RALGAPA2: variants seen among roughly 807,000 people sequenced by gnomAD.
RALGAPA2 encodes Ral GTPase activating protein catalytic subunit alpha 2, also known as ral GTPase-activating protein subunit alpha-2.
In RALGAPA2, 139 loss-of-function variants were observed where a neutral mutation model predicts 230.4. The observed-to-expected ratio is 0.60, with a 90% confidence interval of 0.53 to 0.69. The LOEUF is 0.69. RALGAPA2 is among the 30% of genes least tolerant of loss of function. RALGAPA2 has a pLI of 0.00. For missense variants in RALGAPA2, 2,163 were observed against 2,276.0 expected (o/e 0.95, Z 1.01); for synonymous variants, 847 against 837.8 (o/e 1.01, Z -0.19).
At chr20:20,613,431 C>T (rs1159461937) in intron 13 of RALGAPA2, among the ~76,000 whole-genome samples, 1 of 152,236 alleles carries the variant, frequency 6.6e-6, no homozygotes. Flanking sequence ...TCCCTGGCTA[C>T]AGCCCTGGTC....
intron 37 of RALGAPA2, among the ~76,000 whole-genome samples, chr20:20,414,280 C>T (rs985599846): frequency 6.6e-6 from 1 of 152,222 alleles, no homozygotes; most frequent in African/African-American, 2.4e-5. Flanking sequence ...TTAGAGCAAG[C>T]ACGTCCCTCT....
At chr20:20,589,616 C>T (rs1337381476) in intron 17 of RALGAPA2, among the ~76,000 whole-genome samples, 1 of 151,838 alleles carries the variant, frequency 6.6e-6, no homozygotes, top group East Asian at 1.9e-4. Flanking sequence ...GTTCACTTAG[C>T]GCATTTATGT....
At chr20:20,512,240 TACACACACAC>T (rs370439645) in intron 32 of RALGAPA2, among the ~76,000 whole-genome samples, 1 of 138,352 alleles carries the variant, frequency 7.2e-6, no homozygotes, top group Non-Finnish European at 1.6e-5. Flanking sequence ...CACACACACA[TACACACACAC>T]ACACACACAC....
At chr20:20,621,754 G>C (rs2066331979) in intron 10 of RALGAPA2, among the ~76,000 whole-genome samples, 1 of 152,192 alleles carries the variant, frequency 6.6e-6, no homozygotes, top group Non-Finnish European at 1.5e-5. Context: ...AAATGCATTT[G>C]CTTTTCGCTT....
intron 3 of RALGAPA2, among the ~76,000 whole-genome samples, chr20:20,663,400 T>G (rs2067847989): frequency 1.3e-5 from 2 of 152,168 alleles, no homozygotes; most frequent in Admixed American, 1.3e-4. Context: ...GTGCACAAAT[T>G]TCTTTTTCCT....
At chr20:20,495,395 C>T (rs1290546486) in intron 35 of RALGAPA2, 120 bp from the exon 36 acceptor site, 1 of 770,430 alleles carries the variant, frequency 1.3e-6, no homozygotes, top group Non-Finnish European at 1.9e-6. Context: ...CCAAAAAAGG[C>T]TACAACATTG....
chr20:20,462,457 C>T (rs1431508558), intron 37 of RALGAPA2, among the ~76,000 whole-genome samples: 2 of 152,122 alleles, frequency 1.3e-5, no homozygotes, highest in Non-Finnish European at 2.9e-5. Flanking sequence ...GCACAGAACC[C>T]TGCAGTATCC....
At chr20:20,701,169 G>A (rs2069342084) in intron 1 of RALGAPA2, among the ~76,000 whole-genome samples, 1 of 152,206 alleles carries the variant, frequency 6.6e-6, no homozygotes, top group Non-Finnish European at 1.5e-5. Context: ...CTCATTGGAT[G>A]TGTAACCTTG....
chr20:20,479,420 T>A (rs1412519641), intron 36 of RALGAPA2, among the ~76,000 whole-genome samples: 1 of 152,174 alleles, frequency 6.6e-6, no homozygotes, highest in East Asian at 1.9e-4. Context: ...AATTCCATAA[T>A]GTGCAAAAAT....
chr20:20,486,504 A>G (rs536634694), intron 36 of RALGAPA2, among the ~76,000 whole-genome samples: 28 of 152,290 alleles, frequency 1.8e-4, no homozygotes, highest in African/African-American at 6.5e-4. Context: ...GTGCCAGCAT[A>G]GGAGCCCTCT....
intron 37 of RALGAPA2, among the ~76,000 whole-genome samples, chr20:20,438,443 C>A (rs1194304562): frequency 1.3e-5 from 2 of 152,192 alleles, no homozygotes; most frequent in Non-Finnish European, 2.9e-5. Context: ...CTGAGAAGTG[C>A]AAGACATCCA....
intron 10 of RALGAPA2, among the ~76,000 whole-genome samples, chr20:20,628,290 G>A (rs1308911303): frequency 2.0e-5 from 3 of 152,086 alleles, no homozygotes; most frequent in Admixed American, 6.5e-5. Context: ...GTGCATTCCC[G>A]TCATTCATAT....
At chr20:20,534,210 T>G (rs990190202) in intron 26 of RALGAPA2, among the ~76,000 whole-genome samples, 1 of 152,094 alleles carries the variant, frequency 6.6e-6, no homozygotes, top group African/African-American at 2.4e-5. Context: ...TTTGGGAGGC[T>G]GAGGCAGGCA....
At chr20:20,626,228 A>G (rs2066486053) in intron 10 of RALGAPA2, among the ~76,000 whole-genome samples, 1 of 152,252 alleles carries the variant, frequency 6.6e-6, no homozygotes, top group Admixed American at 6.5e-5. Flanking sequence ...TTTGTTTTCC[A>G]TAAAAGAGAA....
intron 14 of RALGAPA2, among the ~76,000 whole-genome samples, chr20:20,610,578 C>T (rs2065948518): frequency 1.3e-5 from 2 of 152,196 alleles, no homozygotes; most frequent in South Asian, 4.1e-4. Flanking sequence ...CATTGGTGAG[C>T]AAACATACTT....
intron 1 of RALGAPA2, among the ~76,000 whole-genome samples, chr20:20,687,237 C>A (rs915971803): frequency 1.3e-5 from 2 of 152,116 alleles, no homozygotes; most frequent in Admixed American, 6.5e-5. Context: ...TAATGAAGTG[C>A]AAAAGAACTA....
intron 3 of RALGAPA2, among the ~76,000 whole-genome samples, chr20:20,668,123 C>T (rs533783697): frequency 4.6e-4 from 70 of 152,338 alleles, no homozygotes; most frequent in African/African-American, 1.5e-3. Flanking sequence ...TGAGATACGG[C>T]TCTACTGGAG....
chr20:20,481,179 T>C (rs139570722), intron 36 of RALGAPA2, among the ~76,000 whole-genome samples: 66 of 152,306 alleles, frequency 4.3e-4, no homozygotes, highest in African/African-American at 1.6e-3. Flanking sequence ...GTGGCAACAC[T>C]AGCCAGCATG....
intron 39 of RALGAPA2, 30 bp downstream of exon 39, chr20:20,396,665 T>C: frequency 6.3e-7 from 1 of 1,590,718 alleles, no homozygotes. Context: ...GCAGGGTGGC[T>C]GGACAAATCC....
Sources: gnomAD v4.1 joint callset for allele counts (sites outside exome capture counted in the v4.1 genomes callset) on GRCh38, gnomAD v4.1.1 for gene constraint, MANE v1.5 for transcripts, NCBI Gene and HGNC (gene_info 2026-07-23, HGNC 2026-07-21) for gene names.